MAP2K5: variants seen among roughly 807,000 people sequenced by gnomAD.
MAP2K5 encodes mitogen-activated protein kinase kinase 5, also known as dual specificity mitogen-activated protein kinase kinase 5.
A neutral mutation model predicts 83.1 loss-of-function variants in MAP2K5; 49 were observed. The ratio of observed to expected loss-of-function variants is 0.59; its 90% CI spans 0.47 to 0.75. The LOEUF (loss-of-function observed/expected upper bound fraction) is 0.75. Ranked by LOEUF, MAP2K5 falls within the 30% of genes least tolerant of loss-of-function variation. The pLI, the probability that MAP2K5 is intolerant of heterozygous loss-of-function variation, is 0.00. For missense variants in MAP2K5, 457 were observed against 557.5 expected (o/e 0.82, Z 1.82); for synonymous variants, 202 against 191.8 (o/e 1.05, Z -0.44).
In MAP2K5 at chr15:67,587,404, G is replaced by T. The variant is rs1871411413; in HGVS notation, c.431+491G>T. Among the ~76,000 whole-genome samples the T allele has an allele frequency of 6.6e-6, 1 of 152,098 alleles. No individual in the cohort carries two copies. Among genetic ancestry groups the T allele is most frequent in the African/African-American group, 2.4e-5 (1 of 41,396 alleles). On this transcript the variant is annotated intron_variant, in intron 6 of 21. Coordinates refer to ENST00000178640, the MANE Select transcript of MAP2K5 (RefSeq NM_145160.3). This position sits in a 1 kb window ranked among gnomAD's most constrained non-coding sequence, Gnocchi z 4.8. ...AGTTAGAGGGCTTTTAGTAGGAGAG[G>T]GACATGGCCAGCCCTGTGTTTTTAA... is the stretch of plus-strand genomic sequence containing the variant.
chr15:67,699,404 A>G (rs2088354024), intron 15 of MAP2K5, among the ~76,000 whole-genome samples: 1 of 152,212 alleles, frequency 6.6e-6, no homozygotes, highest in Admixed American at 6.5e-5. Context: ...AGAGTAAACT[A>G]GATCTAAAAC....
At chr15:67,745,871 G>A (rs1318064296) in intron 17 of MAP2K5, among the ~76,000 whole-genome samples, 2 of 152,124 alleles carry the variant, frequency 1.3e-5, no homozygotes, top group Non-Finnish European at 2.9e-5. Flanking sequence ...AGTATCTTAA[G>A]CATTTTGAAT....
rs964166999 is a variant in MAP2K5, at chr15:67,794,214, A to C, written c.1243-12432A>C. 2.0e-5 allele frequency among the ~76,000 whole-genome samples: 3 copies of C among 152,238 alleles called. No homozygotes were observed. Among genetic ancestry groups the C allele is most frequent in the Admixed American group, 6.5e-5 (1 of 15,286 alleles). On this transcript the variant is annotated intron_variant, in intron 21 of 21. Coordinates refer to ENST00000178640, the MANE Select transcript of MAP2K5 (RefSeq NM_145160.3). This position sits in a 1 kb window ranked among gnomAD's most constrained non-coding sequence, Gnocchi z 4.6. ...AAAAACGCATTTCAGGCTTCTGTAC[A>C]TTTAATTTTCTTCAACATTACCTTG...
In MAP2K5 at chr15:67,764,294, A is replaced by G. The variant is rs978458818; in HGVS notation, c.1135-5308A>G. Among the ~76,000 whole-genome samples, 1 of 152,222 alleles carries G rather than the reference A, an allele frequency of 6.6e-6. No individual in the cohort carries two copies. Among genetic ancestry groups the G allele is most frequent in the African/African-American group, 2.4e-5 (1 of 41,458 alleles). Reference sequence around the variant, plus strand: ...AGAAGGGAACAGGACCCAGACTACAACATTCAAGGTCCCTCCCACCCTCAG... The same window carrying G: ...AGAAGGGAACAGGACCCAGACTACAGCATTCAAGGTCCCTCCCACCCTCAG... On this transcript the variant is annotated intron_variant, in intron 19 of 21. Transcript: ENST00000178640. This position sits in a 1 kb window ranked among gnomAD's most constrained non-coding sequence, Gnocchi z 4.9.
chr15:67,761,419 C>G (rs953454776), intron 19 of MAP2K5, among the ~76,000 whole-genome samples: 1 of 152,172 alleles, frequency 6.6e-6, no homozygotes, highest in South Asian at 2.1e-4. Flanking sequence ...GCTGAAGCAG[C>G]CTTTGAATTT....
Position 67,640,495 on chromosome 15 carries a change from A to G in MAP2K5, c.586-5736A>G. ...ACCTCCCAGTGACCTCAGCTGTGAAACGGGGCTGCCTGATGTCACAGAGGA... is the reference window on the plus strand; with the variant it reads ...ACCTCCCAGTGACCTCAGCTGTGAAGCGGGGCTGCCTGATGTCACAGAGGA... On this transcript the variant is annotated intron_variant, in intron 9 of 21. Transcript: ENST00000178640. The surrounding 1 kb of genome is among the most constrained non-coding windows in gnomAD (Gnocchi z 4.6). 2.7e-6 allele frequency: 2 copies of G among 740,070 alleles called. No homozygotes were observed. The highest frequency in any genetic ancestry group is 3.3e-6 in the Non-Finnish European group (2 of 605,926). 45.8% of individuals were successfully genotyped at this position (740,070 alleles called of 1,614,324 possible). A position where few individuals can be genotyped will look rare whatever the true frequency, so the allele number is the denominator to read the frequency against.
rs981186255 is a variant in MAP2K5 at position 67,565,911 on chromosome 15, G to A, written c.252+2561G>A. 7.2e-5 allele frequency among the ~76,000 whole-genome samples: 11 copies of A among 152,096 alleles called. No homozygotes were observed. The highest frequency in any genetic ancestry group is 2.7e-4 in the African/African-American group (11 of 41,418). The stretch of plus-strand genomic sequence containing the variant: ...AGGCGTGAGCCAAGGTGCCTGGCCA[G>A]GTTGGCTGTCATTTTGATCTGTCTT... On this transcript the variant is annotated intron_variant, in intron 3 of 21. Coordinates refer to ENST00000178640, the MANE Select transcript of MAP2K5 (RefSeq NM_145160.3). This position sits in a 1 kb window ranked among gnomAD's most constrained non-coding sequence, Gnocchi z 4.1.
intron 11 of MAP2K5, 41 bp from the exon 12 acceptor site, chr15:67,658,512 G>A: frequency 6.7e-7 from 1 of 1,490,804 alleles, no homozygotes; most frequent in Non-Finnish European, 9.4e-7. Flanking sequence ...CATTGTTCTG[G>A]TAATTTCATT....
intron 4 of MAP2K5, among the ~76,000 whole-genome samples, chr15:67,584,039 A>C (rs1273258724): frequency 6.6e-6 from 1 of 152,114 alleles, no homozygotes; most frequent in African/African-American, 2.4e-5. Flanking sequence ...ATGAGCCACC[A>C]TGCCTGGCCA....
At chr15:67,716,075 G>A (rs1207317330) in intron 16 of MAP2K5, among the ~76,000 whole-genome samples, 1 of 152,192 alleles carries the variant, frequency 6.6e-6, no homozygotes, top group South Asian at 2.1e-4. Flanking sequence ...GGCAGGCCCT[G>A]TGCTAGTCAC....
rs149331257 is a variant in MAP2K5 at position 67,663,940 on chromosome 15, T to C, written c.799-657T>C. Among the ~76,000 whole-genome samples, 51 of 152,286 alleles carry C rather than the reference T, an allele frequency of 3.3e-4. 2 individuals are homozygous for C. The East Asian group carries it at 7.7e-3, about 23-fold the overall frequency. ...AAAAAAAGTTTTACACACAGAAGTA[T>C]AGAAAATTAAGAAAGCCATTTTCCC... On this transcript the variant is annotated intron_variant, in intron 12 of 21. Transcript: ENST00000178640.
At chr15:67,647,570 G>A (rs192504038) in intron 11 of MAP2K5, among the ~76,000 whole-genome samples, 5 of 151,280 alleles carry the variant, frequency 3.3e-5, no homozygotes, top group Admixed American at 2.6e-4. Flanking sequence ...AATATAGTGA[G>A]ATCTCATCTT....
rs1473799485 is a variant in MAP2K5, at chr15:67,676,219, G to GGA, written c.847+11584_847+11585dup. Among the ~76,000 whole-genome samples the GGA allele has an allele frequency of 6.6e-6, 1 of 152,038 alleles. No homozygotes were observed. Among genetic ancestry groups the GGA allele is most frequent in the Non-Finnish European group, 1.5e-5 (1 of 68,002 alleles). ...CCTGAAGTTTAGGAGCTTATCAGAG[G>GGA]GAGAGAGAGAGCACCTGTATGATGA... On this transcript the variant is annotated intron_variant, in intron 13 of 21. Transcript: ENST00000178640. This position sits in a 1 kb window ranked among gnomAD's most constrained non-coding sequence, Gnocchi z 4.8.
In MAP2K5 at chr15:67,785,064, G is replaced by A. The variant is rs181994152; in HGVS notation, c.1242+12312G>A. Among the ~76,000 whole-genome samples, 7 of 151,826 alleles carry A rather than the reference G, an allele frequency of 4.6e-5. No individual in the cohort carries two copies. The highest frequency in any genetic ancestry group is 3.4e-3 in the Middle Eastern group (1 of 292). On this transcript the variant is annotated intron_variant, in intron 21 of 21. Coordinates refer to ENST00000178640, the MANE Select transcript of MAP2K5 (RefSeq NM_145160.3). This position sits in a 1 kb window ranked among gnomAD's most constrained non-coding sequence, Gnocchi z 4.4. ...AGGTGATCCTCCTACCTCAGCACCCGCCCTTCCTTGAGTAGCTGAGACTAC... is the reference window on the plus strand; with the variant it reads ...AGGTGATCCTCCTACCTCAGCACCCACCCTTCCTTGAGTAGCTGAGACTAC...
rs764515449 is a variant in MAP2K5 at position 67,655,593 on chromosome 15, G to A, written c.737-2960G>A. On this transcript the variant is annotated intron_variant, in intron 11 of 21. Transcript: ENST00000178640. ...GAGTAATCAGCTCTTGTTCTTTTGA[G>A]GATTATTTGTAATTGAAATGTCACT... Among the ~76,000 whole-genome samples, 7 of 152,112 alleles carry A rather than the reference G, an allele frequency of 4.6e-5. No homozygotes were observed. The South Asian group carries it at 8.3e-4, about 18-fold the overall frequency.
In MAP2K5 at chr15:67,769,764, G is replaced by C; in HGVS notation, c.1196+101G>C. The C allele has an allele frequency of 8.4e-7, 1 of 1,196,782 alleles. No homozygotes were observed. Among genetic ancestry groups the C allele is most frequent in the Non-Finnish European group, 1.2e-6 (1 of 818,322 alleles). 74.1% of individuals were successfully genotyped at this position (1,196,782 alleles called of 1,614,324 possible). A position where few individuals can be genotyped will look rare whatever the true frequency, so the allele number is the denominator to read the frequency against. ...TTATGGCTCTCCCTGCATCCTTTTG[G>C]AGACAGGAGGGACTTCGGGGCCTTG... On this transcript the variant is annotated intron_variant, in intron 20 of 21. Coordinates refer to ENST00000178640, the MANE Select transcript of MAP2K5 (RefSeq NM_145160.3). This position sits in a 1 kb window ranked among gnomAD's most constrained non-coding sequence, Gnocchi z 5.2.
chr15:67,805,146 G>C (rs1409097213), intron 21 of MAP2K5, among the ~76,000 whole-genome samples: 4 of 152,232 alleles, frequency 2.6e-5, no homozygotes, highest in Admixed American at 1.3e-4. Flanking sequence ...TGAGTGCCTT[G>C]GCATCTTCGA....
rs959726177 is a variant in MAP2K5 at position 67,750,614 on chromosome 15, G to A, written c.1134+2013G>A. On this transcript the variant is annotated intron_variant, in intron 19 of 21. Coordinates refer to ENST00000178640, the MANE Select transcript of MAP2K5 (RefSeq NM_145160.3). The surrounding 1 kb of genome is among the most constrained non-coding windows in gnomAD (Gnocchi z 4.2). ...AGATCGCTGAATTAGACTTTCTAGG[G>A]ATCGTGCCTAGAATCTACTAGTTTC... 6.6e-6 allele frequency among the ~76,000 whole-genome samples: 1 copy of A among 152,128 alleles called. No individual in the cohort carries two copies. The highest frequency in any genetic ancestry group is 2.1e-4 in the South Asian group (1 of 4,818).
In MAP2K5 at chr15:67,561,238, T is replaced by C. The variant is rs2084730230; in HGVS notation, c.185-2045T>C. ...AAGTGCTTTCATGTGTGGTGATATG[T>C]AACATTACATCATTTGTACTTTGTT... is the stretch of plus-strand genomic sequence containing the variant. On this transcript the variant is annotated intron_variant, in intron 2 of 21. Transcript: ENST00000178640. This position sits in a 1 kb window ranked among gnomAD's most constrained non-coding sequence, Gnocchi z 4.2. 6.6e-6 allele frequency among the ~76,000 whole-genome samples: 1 copy of C among 152,226 alleles called. No homozygotes were observed. Among genetic ancestry groups the C allele is most frequent in the Non-Finnish European group, 1.5e-5 (1 of 68,036 alleles).
Sources: gnomAD v4.1 joint callset for allele counts (sites outside exome capture counted in the v4.1 genomes callset) on GRCh38, gnomAD v4.1.1 for gene constraint, Gnocchi (gnomAD v3.1) non-coding constraint, MANE v1.5 for transcripts, NCBI Gene and HGNC (gene_info 2026-07-23, HGNC 2026-07-21) for gene names.